MARK2: variants seen among roughly 807,000 people sequenced by gnomAD.
MARK2 encodes serine/threonine-protein kinase MARK2.
A neutral mutation model predicts 89.8 loss-of-function variants in MARK2; 16 were observed. The ratio of observed to expected loss-of-function variants is 0.18; its 90% CI spans 0.12 to 0.27. The LOEUF is 0.27. Among genes scored for constraint, MARK2 ranks in the 10% least tolerant of loss-of-function variants. The pLI is 1.00. For missense variants in MARK2, 621 were observed against 1,049.9 expected (o/e 0.59, Z 5.65); for synonymous variants, 382 against 399.5 (o/e 0.96, Z 0.52).
At chr11:63,859,098 T>C (rs957495103) in intron 1 of MARK2, among the ~76,000 whole-genome samples, 2 of 152,226 alleles carry the variant, frequency 1.3e-5, no homozygotes, top group East Asian at 3.9e-4. Context: ...TTTTAACTTA[T>C]ATGTTGGCTA....
At chr11:63,877,183 C>T (rs1938815433) in intron 1 of MARK2, among the ~76,000 whole-genome samples, 1 of 143,076 alleles carries the variant, frequency 7.0e-6, no homozygotes, top group South Asian at 2.3e-4. Flanking sequence ...GATTTCGGCT[C>T]ACTGCAGCCT....
At position 63,891,056 on chromosome 11, in the gene MARK2, C is replaced by T. The variant is rs144466609; in HGVS notation, c.55-4103C>T. On this transcript the variant is annotated intron_variant, in intron 1 of 18. Coordinates refer to ENST00000402010, the MANE Select transcript of MARK2 (RefSeq NM_001039469.3). ...ATGTTACACTTGTTTTATTTTGGGGCTTTTTGTGTTTGTTTGTGTGTGTGT... is the reference window on the plus strand; with the variant it reads ...ATGTTACACTTGTTTTATTTTGGGGTTTTTTGTGTTTGTTTGTGTGTGTGT... Among the ~76,000 whole-genome samples, 7 of 150,896 alleles carry T rather than the reference C, an allele frequency of 4.6e-5. No individual in the cohort carries two copies. In the East Asian group the frequency reaches 1.4e-3, roughly 30 times the overall value.
intron 1 of MARK2, among the ~76,000 whole-genome samples, chr11:63,884,584 C>A (rs915868058): frequency 2.6e-5 from 4 of 152,228 alleles, no homozygotes; most frequent in African/African-American, 4.8e-5. Flanking sequence ...GAGGCTCTTA[C>A]CCTGGCTGGA....
At chr11:63,890,953 C>T (rs1279884397) in intron 1 of MARK2, among the ~76,000 whole-genome samples, 1 of 152,158 alleles carries the variant, frequency 6.6e-6, no homozygotes, top group Non-Finnish European at 1.5e-5. Context: ...AGATGTCTGG[C>T]AGTATTGGCC....
chr11:63,868,994 C>T, intron 1 of MARK2: 3 of 386,526 alleles, frequency 7.8e-6, no homozygotes, highest in South Asian at 5.5e-5. Context: ...GACTAGGGAC[C>T]ATGTTTTCCG....
At chr11:63,859,481 C>T (rs1344435092) in intron 1 of MARK2, among the ~76,000 whole-genome samples, 4 of 151,708 alleles carry the variant, frequency 2.6e-5, no homozygotes, top group South Asian at 2.1e-4. Flanking sequence ...CCAGTATACC[C>T]GGTTAATTTT....
intron 1 of MARK2, chr11:63,869,264 C>G (rs1202531633): frequency 3.9e-5 from 6 of 154,454 alleles, no homozygotes; most frequent in Non-Finnish European, 6.9e-5. Flanking sequence ...GCTTGCTAGG[C>G]TTTGCCAACT....
At chr11:63,905,349 C>G (rs1590706831) in intron 16 of MARK2, among the ~76,000 whole-genome samples, 1 of 152,190 alleles carries the variant, frequency 6.6e-6, no homozygotes, top group Non-Finnish European at 1.5e-5. Context: ...TAAAAGCCCC[C>G]CCTTCTCTCC....
chr11:63,874,151 G>GTTA (rs1565114292), intron 1 of MARK2, among the ~76,000 whole-genome samples: 4 of 152,152 alleles, frequency 2.6e-5, no homozygotes, highest in Non-Finnish European at 4.4e-5. Context: ...TTATTGTCAG[G>GTTA]TTGACCCTCT....
At chr11:63,852,673 T>TAAAAAAAAAAAAAA (rs550449276) in intron 1 of MARK2, among the ~76,000 whole-genome samples, 1 of 102,614 alleles carries the variant, frequency 9.7e-6, no homozygotes, top group African/African-American at 3.6e-5. Context: ...AAATAAGAAC[T>TAAAAAAAAAAAAAA]AAAAAAAAAA....
intron 1 of MARK2, among the ~76,000 whole-genome samples, chr11:63,879,342 C>T (rs1327293946): frequency 1.3e-5 from 2 of 151,998 alleles, no homozygotes; most frequent in Non-Finnish European, 2.9e-5. Context: ...ATTTTGTGGT[C>T]ATGGCACTAT....
intron 1 of MARK2, chr11:63,888,417 TCTC>T: frequency 1.5e-5 from 8 of 524,938 alleles, no homozygotes; most frequent in Non-Finnish European, 2.0e-5. Flanking sequence ...CTGCAGTGAG[TCTC>T]CTCGACCTCT....
At position 63,900,727 on chromosome 11, in the gene MARK2, A is replaced by C. The variant is rs1334531657; in HGVS notation, c.888+49A>C. 9 of 1,613,506 alleles carry C rather than the reference A, an allele frequency of 5.6e-6. No individual in the cohort carries two copies. The highest frequency in any genetic ancestry group is 7.6e-6 in the Non-Finnish European group (9 of 1,179,588). On this transcript the variant is annotated intron_variant, in intron 9 of 18. Coordinates refer to ENST00000402010, the MANE Select transcript of MARK2 (RefSeq NM_001039469.3). The surrounding 1 kb of genome is among the most constrained non-coding windows in gnomAD (Gnocchi z 4.7). ...GGAAGGGCCTGGGGTCCCCACAGAA[A>C]CTTTCCAGCTGAGTTTCTTCCCCCT... is the stretch of plus-strand genomic sequence containing the variant.
intron 1 of MARK2, among the ~76,000 whole-genome samples, chr11:63,886,584 C>T (rs1278039467): frequency 6.6e-6 from 1 of 152,162 alleles, no homozygotes; most frequent in Non-Finnish European, 1.5e-5. Flanking sequence ...CCACCACGCT[C>T]AGCAAATTTT....
chr11:63,883,671 C>T (rs777725185), intron 1 of MARK2, among the ~76,000 whole-genome samples: 2 of 152,076 alleles, frequency 1.3e-5, no homozygotes, highest in Non-Finnish European at 2.9e-5. Context: ...CCTCAGCCTA[C>T]CTCCCTGGGC....
At chr11:63,843,374 G>A (rs2016118173) in intron 1 of MARK2, among the ~76,000 whole-genome samples, 1 of 152,182 alleles carries the variant, frequency 6.6e-6, no homozygotes, top group Non-Finnish European at 1.5e-5. Flanking sequence ...CCACCTCTGG[G>A]CCTCAGAAAC....
chr11:63,855,601 C>T (rs1449560922), intron 1 of MARK2, among the ~76,000 whole-genome samples: 1 of 151,364 alleles, frequency 6.6e-6, no homozygotes, highest in Admixed American at 6.6e-5. Context: ...ATTTCAGGTT[C>T]CACATTGCAA....
At chr11:63,865,570 A>G (rs376561164) in intron 1 of MARK2, among the ~76,000 whole-genome samples, 1 of 152,068 alleles carries the variant, frequency 6.6e-6, no homozygotes, top group Non-Finnish European at 1.5e-5. Flanking sequence ...GCTTCCTTGG[A>G]GAGTGTGGCA....
intron 1 of MARK2, among the ~76,000 whole-genome samples, chr11:63,860,122 C>A (rs1022455906): frequency 7.9e-5 from 12 of 152,320 alleles, no homozygotes; most frequent in Admixed American, 6.5e-4. Flanking sequence ...CTGTAATTCT[C>A]AACTTTGTTC....
Sources: gnomAD v4.1 joint callset for allele counts (sites outside exome capture counted in the v4.1 genomes callset) on GRCh38, gnomAD v4.1.1 for gene constraint, Gnocchi (gnomAD v3.1) non-coding constraint, MANE v1.5 for transcripts, NCBI Gene and HGNC (gene_info 2026-07-23, HGNC 2026-07-21) for gene names.